DAB1: variants seen among roughly 807,000 people sequenced by gnomAD.
DAB1 encodes disabled homolog 1.
DAB1 carries 15 observed loss-of-function variants against 64.6 expected under a neutral mutation model. The observed-to-expected ratio is 0.23, with a 90% CI of 0.16 to 0.36. The LOEUF (loss-of-function observed/expected upper bound fraction) is 0.36. Among genes scored for constraint, DAB1 ranks in the 10% least tolerant of loss-of-function variants. The probability of loss-of-function intolerance (pLI) is 1.00; values close to 1 mark genes in which losing one functional copy is unlikely to be tolerated. For missense variants in DAB1, 596 were observed against 706.7 expected, an observed-to-expected ratio of 0.84 and a Z score of 1.78; for synonymous variants, 235 against 251.9, an observed-to-expected ratio of 0.93 and a Z score of 0.64.
intron 2 of DAB1, among the ~76,000 whole-genome samples, chr1:57,278,646 T>C (rs2100618595): frequency 6.6e-6 from 1 of 152,232 alleles, no homozygotes; most frequent in South Asian, 2.1e-4. Context: ...GCAGGAGGAC[T>C]TTGACAGGCC....
chr1:57,239,979 G>T (rs555849461), intron 2 of DAB1, among the ~76,000 whole-genome samples: 14 of 152,250 alleles, frequency 9.2e-5, no homozygotes, highest in Non-Finnish European at 1.6e-4. Context: ...CTTGTCTTTT[G>T]ACTCTGATTA....
chr1:58,125,855 C>G (rs954726569), intron 5 of DAB1, among the ~76,000 whole-genome samples: 13 of 152,066 alleles, frequency 8.5e-5, no homozygotes, highest in African/African-American at 3.1e-4. Context: ...TAAAGAAATA[C>G]AGAGAGGCGT....
chr1:57,099,508 C>A (rs1475615175), intron 4 of DAB1, among the ~76,000 whole-genome samples: 1 of 152,156 alleles, frequency 6.6e-6, no homozygotes, highest in Non-Finnish European at 1.5e-5. Context: ...GGTAATATAG[C>A]TGTAGTTCCT....
At chr1:57,868,230 G>A (rs1245223806) in intron 1 of DAB1, among the ~76,000 whole-genome samples, 1 of 152,130 alleles carries the variant, frequency 6.6e-6, no homozygotes, top group African/African-American at 2.4e-5. Flanking sequence ...ATTTCCTTTT[G>A]GTGTGCCATT....
chr1:58,236,854 T>C (rs1157094202), intron 4 of DAB1, among the ~76,000 whole-genome samples: 3 of 152,236 alleles, frequency 2.0e-5, no homozygotes, highest in Non-Finnish European at 4.4e-5. Flanking sequence ...TACGTTGCTT[T>C]TACAGTTTTT....
chr1:57,621,288 G>A (rs1413102438), intron 7 of DAB1, among the ~76,000 whole-genome samples: 2 of 151,652 alleles, frequency 1.3e-5, no homozygotes, highest in Non-Finnish European at 2.9e-5. Flanking sequence ...GCGTGTGTAG[G>A]AGCCCTGAGA....
At position 57,754,757 on chromosome 1, in the gene DAB1, C is replaced by T. The variant is rs191646155; in HGVS notation, n.552-105092G>A. ...AAACAATTGCGATTCAAAGGTCTGC[C>T]ACTGGTCCAAGGTCTCACAGCTAGT... is the stretch of plus-strand genomic sequence containing the variant. On this transcript the variant is annotated intron_variant and non_coding_transcript_variant, in intron 6 of 20. Coordinates refer to the DAB1 transcript ENST00000485760. Among the ~76,000 whole-genome samples the T allele has an allele frequency of 4.2e-3, 639 of 152,192 alleles. 3 individuals carry two copies. Among genetic ancestry groups the T allele is most frequent in the Non-Finnish European group, 7.5e-3 (509 of 67,992 alleles).
rs1661791426 is a variant in DAB1, at chr1:58,290,505, A to C, written n.309+52847T>G. 3.3e-5 allele frequency among the ~76,000 whole-genome samples: 5 copies of C among 152,316 alleles called. No homozygotes were observed. The South Asian group carries it at 1.0e-3, about 32-fold the overall frequency. On this transcript the variant is annotated intron_variant and non_coding_transcript_variant, in intron 4 of 20. Transcript: ENST00000485760. ...GTAGAGAAGTAGACATGAGGCATGC[A>C]GTGCACTAAGGACTTTACACACATT...
intron 7 of DAB1, among the ~76,000 whole-genome samples, chr1:57,560,021 A>C (rs144283492): frequency 0.038 from 5,788 of 152,340 alleles, 234 homozygotes; most frequent in Admixed American, 0.12. Context: ...TGATGACTCC[A>C]ATTGCAACTG....
chr1:57,815,104 C>A (rs1229128995), intron 6 of DAB1, among the ~76,000 whole-genome samples: 4 of 151,888 alleles, frequency 2.6e-5, no homozygotes, highest in Non-Finnish European at 5.9e-5. Context: ...CAGAGTCTCG[C>A]TCTGTTGCCC....
Position 57,831,764 on chromosome 1 carries a change from A to T in DAB1, n.88-5309T>A, listed in dbSNP as rs944605665. 5.1e-4 allele frequency among the ~76,000 whole-genome samples: 77 copies of T among 152,064 alleles called. 1 individual carries two copies. Among genetic ancestry groups the T allele is most frequent in the African/African-American group, 1.7e-3 (72 of 41,500 alleles). On this transcript the variant is annotated intron_variant and non_coding_transcript_variant, in intron 1 of 1. Transcript: ENST00000477280. ...TCACTTGTTGCCCAGGCTGGTCTCAAATTCCTGGGCTCAAGTAATCCTTCA... is the reference window on the plus strand; with the variant it reads ...TCACTTGTTGCCCAGGCTGGTCTCATATTCCTGGGCTCAAGTAATCCTTCA...
chr1:57,680,541 G>C (rs928331506), intron 6 of DAB1, among the ~76,000 whole-genome samples: 2 of 152,178 alleles, frequency 1.3e-5, no homozygotes, highest in African/African-American at 2.4e-5. Context: ...TAGTGATGAT[G>C]AGTGAGGCTT....
At chr1:57,216,181 T>C (rs1211821409) in intron 2 of DAB1, among the ~76,000 whole-genome samples, 1 of 151,966 alleles carries the variant, frequency 6.6e-6, no homozygotes, top group Non-Finnish European at 1.5e-5. Context: ...GATTTTATTC[T>C]TCAGTTTATT....
intron 7 of DAB1, among the ~76,000 whole-genome samples, chr1:57,473,057 T>C (rs1687198113): frequency 6.6e-6 from 1 of 152,222 alleles, no homozygotes. Context: ...AAATTCTTTA[T>C]ATTACTTCTG....
rs1182239699 is a variant in DAB1, at chr1:58,344,940, C to CT, written n.258-1538dup. ...AATTCAGCTAGGTCTTTCAGCCTCT[C>CT]TGTTATATGGCCATTGTAATAGGCT... On this transcript the variant is annotated intron_variant and non_coding_transcript_variant, in intron 3 of 20. Coordinates refer to the DAB1 transcript ENST00000485760. 5.9e-5 allele frequency among the ~76,000 whole-genome samples: 9 copies of CT among 152,276 alleles called. No individual in the cohort carries two copies. In the East Asian group the frequency reaches 1.2e-3, roughly 20 times the overall value.
At chr1:57,242,538 A>G (rs1460223838) in intron 2 of DAB1, among the ~76,000 whole-genome samples, 4 of 152,216 alleles carry the variant, frequency 2.6e-5, no homozygotes, top group African/African-American at 9.7e-5. Flanking sequence ...AGGTAAAAGC[A>G]GAAATACGAA....
chr1:57,458,990 A>G (rs1319396954), intron 7 of DAB1, among the ~76,000 whole-genome samples: 1 of 152,162 alleles, frequency 6.6e-6, no homozygotes. Context: ...TAATCAAAAG[A>G]GAAACATGTG....
At chr1:57,742,392 T>G (rs1362227030) in intron 6 of DAB1, among the ~76,000 whole-genome samples, 2 of 152,048 alleles carry the variant, frequency 1.3e-5, no homozygotes, top group Non-Finnish European at 2.9e-5. Context: ...ATCAAAAGGA[T>G]GGGGGATGGA....
At chr1:58,313,678 A>G (rs1388238453) in intron 4 of DAB1, among the ~76,000 whole-genome samples, 2 of 151,986 alleles carry the variant, frequency 1.3e-5, no homozygotes, top group Admixed American at 1.3e-4. Flanking sequence ...AAAATACCAT[A>G]CCCTGGGTGG....
Sources: gnomAD v4.1 joint callset for allele counts (sites outside exome capture counted in the v4.1 genomes callset) on GRCh38, gnomAD v4.1.1 for gene constraint, MANE v1.5 for transcripts, NCBI Gene and HGNC (gene_info 2026-07-23, HGNC 2026-07-21) for gene names.